GRID2: variants seen among roughly 807,000 people sequenced by gnomAD.
GRID2 encodes the protein glutamate receptor ionotropic, delta-2.
A neutral mutation model predicts 114.8 loss-of-function variants in GRID2; 33 were observed. That is an observed-to-expected ratio of 0.29 (90% CI 0.22 to 0.38). GRID2 has a LOEUF of 0.38. Among genes scored for constraint, GRID2 ranks in the 10% least tolerant of loss-of-function variants. The pLI, the probability that GRID2 is intolerant of heterozygous loss-of-function variation, is 1.00. For synonymous variants in GRID2, 505 were observed against 449.9 expected, an observed-to-expected ratio of 1.12 and a Z score of -1.55; for missense variants, 1,184 against 1,257.7, an observed-to-expected ratio of 0.94 and a Z score of 0.89.
intron 2 of GRID2, among the ~76,000 whole-genome samples, chr4:93,033,846 T>C (rs1324393650): frequency 6.6e-6 from 1 of 152,202 alleles, no homozygotes; most frequent in Admixed American, 6.5e-5. Context: ...CTCAAGCAGG[T>C]CATTTATTTA....
At chr4:93,665,237 T>G (rs558271460) in intron 14 of GRID2, among the ~76,000 whole-genome samples, 20 of 152,314 alleles carry the variant, frequency 1.3e-4, no homozygotes, top group Non-Finnish European at 2.6e-4. Flanking sequence ...TAGAGATTTC[T>G]GTACAAAGCA....
intron 1 of GRID2, among the ~76,000 whole-genome samples, chr4:92,400,405 A>C (rs867849310): frequency 2.8e-4 from 43 of 152,140 alleles, no homozygotes; most frequent in African/African-American, 9.9e-4. Context: ...AATGTTTTCA[A>C]GGTTCATTCA....
At chr4:93,354,719 C>A (rs1257358100) in intron 8 of GRID2, among the ~76,000 whole-genome samples, 3 of 132,932 alleles carry the variant, frequency 2.3e-5, no homozygotes, top group Non-Finnish European at 4.8e-5. Context: ...TGTGTGTAAT[C>A]TTTATGTATA....
intron 11 of GRID2, among the ~76,000 whole-genome samples, chr4:93,460,266 G>A (rs1723617362): frequency 6.6e-6 from 1 of 152,158 alleles, no homozygotes; most frequent in African/African-American, 2.4e-5. Flanking sequence ...CCAACACTCA[G>A]TTCTCATCTC....
rs1409780490 is a variant in GRID2, at chr4:93,404,168, T to C, written c.1347+8460T>C. ...ATTCATTTCTGTGAAATGTTCAGAA[T>C]AGACAAATCTATAGGGACTCACAGG... On this transcript the variant is annotated intron_variant, in intron 9 of 15. Coordinates refer to ENST00000282020, the MANE Select transcript of GRID2 (RefSeq NM_001510.4). Among the ~76,000 whole-genome samples, 4 of 152,134 alleles carry C rather than the reference T, an allele frequency of 2.6e-5. No individual in the cohort carries two copies. In the East Asian group the frequency reaches 7.7e-4, roughly 29 times the overall value.
intron 2 of GRID2, among the ~76,000 whole-genome samples, chr4:92,684,400 T>A (rs1251514686): frequency 3.3e-5 from 5 of 152,134 alleles, no homozygotes; most frequent in African/African-American, 9.6e-5. Context: ...ATTTTATTAC[T>A]TCAATATACC....
chr4:93,614,929 G>C (rs767892467), intron 13 of GRID2, among the ~76,000 whole-genome samples: 3 of 152,064 alleles, frequency 2.0e-5, no homozygotes, highest in African/African-American at 7.2e-5. Flanking sequence ...TTTCTTCTCC[G>C]ATAATACTTC....
At chr4:93,548,363 T>C (rs893766366) in intron 13 of GRID2, among the ~76,000 whole-genome samples, 12 of 152,056 alleles carry the variant, frequency 7.9e-5, no homozygotes, top group African/African-American at 2.7e-4. Flanking sequence ...TGAACGGAAA[T>C]AGCACCGGAC....
chr4:92,955,261 A>G (rs1752316364), intron 2 of GRID2, among the ~76,000 whole-genome samples: 1 of 148,430 alleles, frequency 6.7e-6, no homozygotes, highest in Non-Finnish European at 1.5e-5. Context: ...ATTTCTCCAC[A>G]TCCTCTCCAG....
intron 13 of GRID2, among the ~76,000 whole-genome samples, chr4:93,579,155 A>G (rs1736726192): frequency 2.6e-5 from 4 of 152,084 alleles, no homozygotes. Flanking sequence ...AATTTAGGAA[A>G]TCCTCTATCA....
At chr4:93,163,384 A>ATACACTATATATATATATATATATG in intron 4 of GRID2, among the ~76,000 whole-genome samples, 1 of 39,414 alleles carries the variant, frequency 2.5e-5, no homozygotes, top group African/African-American at 1.4e-4. Flanking sequence ...ATATATATAT[A>ATACACTATATATATATATATATATG]TATATATATA....
At chr4:93,740,446 C>T (rs1405691926) in intron 14 of GRID2, among the ~76,000 whole-genome samples, 1 of 152,184 alleles carries the variant, frequency 6.6e-6, no homozygotes, top group Non-Finnish European at 1.5e-5. Context: ...TCCGGTTAGA[C>T]TTAGCTCTCT....
intron 4 of GRID2, among the ~76,000 whole-genome samples, chr4:93,207,049 A>G (rs1217461175): frequency 1.3e-5 from 2 of 152,068 alleles, no homozygotes. Context: ...AAGACATCAA[A>G]GTTTATTTCG....
chr4:93,113,527 G>A (rs933793871), intron 4 of GRID2, among the ~76,000 whole-genome samples: 1 of 152,166 alleles, frequency 6.6e-6, no homozygotes, highest in Non-Finnish European at 1.5e-5. Context: ...TGATTTACTA[G>A]TTCACTGGTT....
chr4:93,067,633 G>GA (rs1728418885), intron 2 of GRID2, among the ~76,000 whole-genome samples: 1 of 151,856 alleles, frequency 6.6e-6, no homozygotes, highest in African/African-American at 2.4e-5. Flanking sequence ...TAGCACTTAT[G>GA]ATTACCCTAT....
intron 13 of GRID2, among the ~76,000 whole-genome samples, chr4:93,581,310 G>T (rs935713857): frequency 1.3e-5 from 2 of 152,056 alleles, no homozygotes; most frequent in South Asian, 4.1e-4. Context: ...TATTATAAAT[G>T]GTTAATTATC....
intron 5 of GRID2, among the ~76,000 whole-genome samples, chr4:93,216,223 GC>G (rs1253578030): frequency 1.3e-5 from 2 of 151,488 alleles, no homozygotes; most frequent in African/African-American, 2.4e-5. Context: ...TGCTCTACTT[GC>G]CTCAGTTAAA....
chr4:92,805,753 A>G (rs972908653), intron 2 of GRID2, among the ~76,000 whole-genome samples: 1 of 151,972 alleles, frequency 6.6e-6, no homozygotes, highest in African/African-American at 2.4e-5. Flanking sequence ...TATGACATTG[A>G]CATTGCACTC....
At chr4:93,106,038 G>T (rs543331366) in intron 3 of GRID2, among the ~76,000 whole-genome samples, 1 of 152,130 alleles carries the variant, frequency 6.6e-6, no homozygotes, top group East Asian at 1.9e-4. Context: ...TCCTCCCCCA[G>T]TCTTATGTTT....
Sources: allele counts gnomAD v4.1 joint callset (sites outside exome capture counted in the v4.1 genomes callset), GRCh38; gene constraint gnomAD v4.1.1; transcripts MANE v1.5; gene names NCBI Gene and HGNC (gene_info 2026-07-23, HGNC 2026-07-21).